The following TGDS variants were observed in gnomAD, a reference collection of about 807,000 sequenced individuals.
TGDS encodes UDP-D-glucose 4,6-dehydratase.
TGDS carries 47 observed loss-of-function variants against 52.3 expected under a neutral mutation model. That is an observed-to-expected ratio of 0.90 (90% confidence interval 0.71 to 1.15). The LOEUF (loss-of-function observed/expected upper bound fraction) is 1.15. Among genes scored for constraint, TGDS ranks in the 50% most tolerant of loss-of-function variants. The pLI, the probability that TGDS is intolerant of heterozygous loss-of-function variation, is 0.00. For synonymous variants in TGDS, 115 were observed against 136.9 expected (o/e 0.84, Z 1.12); for missense variants, 375 against 418.4 (o/e 0.90, Z 0.90).
At chr13:94,595,887 G>C in intron 1 of TGDS, 164 bp downstream of exon 1, 1 of 740,594 alleles carries the variant, frequency 1.4e-6, no homozygotes, top group Non-Finnish European at 2.3e-6. Context: ...CTTCTTTGCA[G>C]GCCAGAGAGA....
rs368383850 is a variant in TGDS, at chr13:94,575,430, C to T, written c.983-578G>A. On this transcript the variant is annotated intron_variant, in intron 11 of 11. Transcript: ENST00000261296. ...TCACCCTCCTAAATAGCTAGGACTA[C>T]AGGCATGTGCCACCATGCCCCGCTG... 5.3e-5 allele frequency among the ~76,000 whole-genome samples: 8 copies of T among 151,862 alleles called. No individual in the cohort carries two copies. In the South Asian group the frequency reaches 8.3e-4, roughly 16 times the overall value.
At chr13:94,585,837 T>C (rs1371568631) in intron 4 of TGDS, among the ~76,000 whole-genome samples, 1 of 148,520 alleles carries the variant, frequency 6.7e-6, no homozygotes, top group Admixed American at 6.7e-5. Flanking sequence ...AAAACTGAGT[T>C]AAAAATAGCT....
At chr13:94,590,070 A>C (rs1268025597) in intron 4 of TGDS, among the ~76,000 whole-genome samples, 3 of 151,520 alleles carry the variant, frequency 2.0e-5, no homozygotes, top group Non-Finnish European at 4.4e-5. Context: ...TTAGACTGGA[A>C]TATTATGACA....
intron 8 of TGDS, among the ~76,000 whole-genome samples, chr13:94,578,514 G>A (rs1342734025): frequency 6.6e-6 from 1 of 152,050 alleles, no homozygotes; most frequent in African/African-American, 2.4e-5. Flanking sequence ...ATAATTCAAA[G>A]TTCTATGATA....
intron 7 of TGDS, 46 bp from the exon 8 acceptor site, chr13:94,578,819 T>C: frequency 3.2e-6 from 4 of 1,252,738 alleles, no homozygotes; most frequent in Non-Finnish European, 4.6e-6. Flanking sequence ...ATTTACTCAT[T>C]AGTATGAATC....
intron 3 of TGDS, among the ~76,000 whole-genome samples, chr13:94,591,588 T>TCTCG (rs1249818038): frequency 6.6e-6 from 1 of 152,124 alleles, no homozygotes; most frequent in Non-Finnish European, 1.5e-5. Context: ...GCAGACTCTG[T>TCTCG]CTCGAAAAAA....
intron 10 of TGDS, 21 bp downstream of exon 10, chr13:94,577,350 A>G: frequency 6.5e-7 from 1 of 1,541,220 alleles, no homozygotes; most frequent in Non-Finnish European, 8.7e-7. Flanking sequence ...CCTTTCCCCA[A>G]GGTTTTAACT....
chr13:94,577,404 T>G lies in TGDS; in HGVS notation c.851A>C (p.Glu284Ala), dbSNP rs560513141. Reference sequence around the variant, plus strand: ...AACATAATCAACCCAATTTTCCATTTCAGACTCTGAATTGGTCTCTTTGAT... The same window carrying G: ...AACATAATCAACCCAATTTTCCATTGCAGACTCTGAATTGGTCTCTTTGAT... ...QLIKETNSES[E>A]MENWVDYVND... The change falls in exon 10 of 12, where the codon GAA becomes GCA. Residue 284 changes from glutamate to alanine, a missense_variant. Transcript: ENST00000261296. 2 of 1,578,264 alleles carry G rather than the reference T, an allele frequency of 1.3e-6. No homozygotes were observed. The highest frequency in any genetic ancestry group is 2.4e-5 in the South Asian group (2 of 84,238).
At chr13:94,586,748 ATTATTTTTT>A (rs1888998778) in intron 4 of TGDS, among the ~76,000 whole-genome samples, 7 of 88,442 alleles carry the variant, frequency 7.9e-5, no homozygotes, top group Admixed American at 3.4e-4. Flanking sequence ...AAGAAATCAA[ATTATTTTTT>A]TTTTTTTTTT....
At chr13:94,590,690 CT>C (rs1889165104) in intron 4 of TGDS, among the ~76,000 whole-genome samples, 162 bp downstream of exon 4, 1 of 152,066 alleles carries the variant, frequency 6.6e-6, no homozygotes, top group South Asian at 2.1e-4. Flanking sequence ...CCTTGCAATG[CT>C]AATAAAAGTA....
chr13:94,585,075 T>C (rs1287757817), intron 4 of TGDS, among the ~76,000 whole-genome samples: 1 of 151,018 alleles, frequency 6.6e-6, no homozygotes, highest in Non-Finnish European at 1.5e-5. Context: ...TTTTTTTTTC[T>C]CTCTCTCTCT....
rs1213286167 is a variant in TGDS at position 94,579,918 on chromosome 13, A to G, written c.591T>C (p.Tyr197=). The change falls in exon 7 of 12, where the codon TAT becomes TAC. Residue 197 remains tyrosine, a synonymous_variant. Transcript: ENST00000261296. ...PVVITRSSNV[Y]GPHQYPEKVI... ...CCTTTTCTGGATATTGATGTGGTCC[A>G]TAAACATTACTGCTTCTTGTGATGA... 23 of 1,604,460 alleles carry G rather than the reference A, an allele frequency of 1.4e-5. No homozygotes were observed. Among genetic ancestry groups the G allele is most frequent in the East Asian group, 2.2e-5 (1 of 44,686 alleles).
chr13:94,583,273 C>T, intron 4 of TGDS, 37 bp from the exon 5 acceptor site: 7 of 1,596,242 alleles, frequency 4.4e-6, no homozygotes, highest in Non-Finnish European at 6.0e-6. Context: ...ACAAGTCTAC[C>T]CAACGGATAA....
chr13:94,584,087 T>C (rs769019172), intron 4 of TGDS, among the ~76,000 whole-genome samples: 17 of 152,022 alleles, frequency 1.1e-4, no homozygotes, highest in Non-Finnish European at 1.9e-4. Context: ...CTTTGTACAC[T>C]GACAATGATG....
chr13:94,588,662 T>A (rs1202919564), intron 4 of TGDS, among the ~76,000 whole-genome samples: 1 of 152,142 alleles, frequency 6.6e-6, no homozygotes, highest in Non-Finnish European at 1.5e-5. Context: ...TTTAACTTCA[T>A]CAGGGAAAAA....
chr13:94,586,005 T>C (rs1315561041), intron 4 of TGDS, among the ~76,000 whole-genome samples: 2 of 151,264 alleles, frequency 1.3e-5, no homozygotes. Context: ...AAAAAGAGAA[T>C]AAGAAAAATT....
At chr13:94,579,093 T>C (rs2139517512) in intron 7 of TGDS, among the ~76,000 whole-genome samples, 1 of 152,354 alleles carries the variant, frequency 6.6e-6, no homozygotes, top group Non-Finnish European at 1.5e-5. Flanking sequence ...TGTATCTTAC[T>C]TATTGCTTTA....
chr13:94,593,260 CTG>C (rs1187665270), intron 2 of TGDS, among the ~76,000 whole-genome samples: 2 of 152,108 alleles, frequency 1.3e-5, no homozygotes, highest in African/African-American at 2.4e-5. Context: ...ATAATTACAC[CTG>C]TGTTATACAT....
intron 5 of TGDS, among the ~76,000 whole-genome samples, chr13:94,582,744 G>A (rs1888840757): frequency 6.6e-6 from 1 of 152,176 alleles, no homozygotes; most frequent in South Asian, 2.1e-4. Flanking sequence ...AACATGAATA[G>A]ACTAGACTGG....
Sources: allele counts gnomAD v4.1 joint callset (sites outside exome capture counted in the v4.1 genomes callset), GRCh38; gene constraint gnomAD v4.1.1; transcripts MANE v1.5; gene names NCBI Gene and HGNC (gene_info 2026-07-23, HGNC 2026-07-21).